The following FARS2 variants were observed in gnomAD, a reference collection of about 807,000 sequenced individuals.
The protein encoded by FARS2 is phenylalanine--tRNA ligase, mitochondrial.
In FARS2, 40 loss-of-function variants were observed where a neutral mutation model predicts 46.4. That is an observed-to-expected ratio of 0.86 (90% confidence interval 0.67 to 1.12). The LOEUF (loss-of-function observed/expected upper bound fraction) is 1.12. Among genes scored for constraint, FARS2 ranks in the 50% most tolerant of loss-of-function variants. The pLI is 0.00. For synonymous variants in FARS2, 234 were observed against 214.9 expected, an observed-to-expected ratio of 1.09 and a Z score of -0.78; for missense variants, 513 against 567.9, an observed-to-expected ratio of 0.90 and a Z score of 0.98.
At chr6:5,664,371 G>A (rs9378437) in intron 6 of FARS2, among the ~76,000 whole-genome samples, 57,317 of 152,024 alleles carry the variant, frequency 0.38, 13,011 homozygotes, top group East Asian at 0.56. Context: ...GGTCCTGCCA[G>A]GGGAGCCGAG....
chr6:5,440,725 G>C (rs1293009579), intron 4 of FARS2, among the ~76,000 whole-genome samples: 1 of 152,128 alleles, frequency 6.6e-6, no homozygotes, highest in East Asian at 1.9e-4. Flanking sequence ...GTGTCTCACT[G>C]TGTTGCCCAG....
rs776745910 is a variant in FARS2 at position 5,431,068 on chromosome 6, A to G, written c.800A>G (p.Tyr267Cys). The change falls in exon 4 of 7, where the codon TAC becomes TGC. Residue 267 changes from tyrosine to cysteine, a missense_variant. Physicochemically the swap from Tyr to Cys is radical, Grantham distance 194 (BLOSUM62 -2). Coordinates refer to ENST00000274680, the MANE Select transcript of FARS2 (RefSeq NM_006567.5). ...CTGGAGATAAGATGGGTAGACTGCT[A>G]CTTCCCTTTTACACATCCTTCCTTT... ...DELEIRWVDC[Y>C]FPFTHPSFEM... 5 of 1,613,908 alleles carry G rather than the reference A, an allele frequency of 3.1e-6. No individual in the cohort carries two copies. The highest frequency in any genetic ancestry group is 1.7e-5 in the Admixed American group (1 of 60,012).
chr6:5,750,480 A>T (rs556255362), intron 6 of FARS2, among the ~76,000 whole-genome samples: 1 of 152,292 alleles, frequency 6.6e-6, no homozygotes, highest in Admixed American at 6.5e-5. Context: ...CAGGCAAGAG[A>T]TAAACAAGAC....
intron 6 of FARS2, among the ~76,000 whole-genome samples, chr6:5,726,986 C>T (rs541692119): frequency 1.7e-4 from 26 of 152,362 alleles, no homozygotes; most frequent in Admixed American, 3.3e-4. Flanking sequence ...AGTTCAAATA[C>T]CTTCGTGACC....
Position 5,305,131 on chromosome 6 carries a change from C to T in FARS2, c.-22+43471C>T, listed in dbSNP as rs75518312. Reference sequence around the variant, plus strand: ...TGTGGAGAAGGATTTTGAGGTCACACCTAGGCTCAGTGGGAAAGATACTGT... The same window carrying T: ...TGTGGAGAAGGATTTTGAGGTCACATCTAGGCTCAGTGGGAAAGATACTGT... On this transcript the variant is annotated intron_variant, in intron 1 of 6. Coordinates refer to ENST00000274680, the MANE Select transcript of FARS2 (RefSeq NM_006567.5). 8.0e-3 allele frequency among the ~76,000 whole-genome samples: 1,217 copies of T among 152,220 alleles called. 13 individuals are homozygous for T. Among genetic ancestry groups the T allele is most frequent in the African/African-American group, 0.027 (1,137 of 41,528 alleles).
At chr6:5,357,934 A>G (rs769389554) in intron 1 of FARS2, among the ~76,000 whole-genome samples, 3 of 152,236 alleles carry the variant, frequency 2.0e-5, no homozygotes, top group Non-Finnish European at 4.4e-5. Flanking sequence ...AGGTAGAGAA[A>G]TATTTCAGGC....
At chr6:5,521,805 T>G (rs1342753943) in intron 4 of FARS2, among the ~76,000 whole-genome samples, 1 of 152,216 alleles carries the variant, frequency 6.6e-6, no homozygotes, top group Non-Finnish European at 1.5e-5. Context: ...TAACCAGTCT[T>G]GCTTATTGAA....
At chr6:5,742,963 G>T (rs1160497043) in intron 6 of FARS2, among the ~76,000 whole-genome samples, 2 of 152,002 alleles carry the variant, frequency 1.3e-5, no homozygotes, top group East Asian at 1.9e-4. Flanking sequence ...TTTCCTGAAG[G>T]CCAGCAGGGT....
At chr6:5,479,770 C>T (rs1201927868) in intron 4 of FARS2, among the ~76,000 whole-genome samples, 3 of 152,200 alleles carry the variant, frequency 2.0e-5, no homozygotes, top group Non-Finnish European at 4.4e-5. Flanking sequence ...ATTAACTCCA[C>T]ATTACAACTT....
chr6:5,265,971 G>C lies in FARS2; in HGVS notation c.-22+4311G>C, dbSNP rs145634575. 1.8e-3 allele frequency among the ~76,000 whole-genome samples: 276 copies of C among 152,274 alleles called. 2 individuals are homozygous for C. Among genetic ancestry groups the C allele is most frequent in the African/African-American group, 6.5e-3 (269 of 41,550 alleles). Reference sequence around the variant, plus strand: ...CTCTCCATGATTGGGTAGAGCCAGGGCTGAGAAACATTGACCTGAAGGAAT... The same window carrying C: ...CTCTCCATGATTGGGTAGAGCCAGGCCTGAGAAACATTGACCTGAAGGAAT... On this transcript the variant is annotated intron_variant, in intron 1 of 6. Transcript: ENST00000274680.
chr6:5,377,413 TG>T (rs1160700813), intron 2 of FARS2, among the ~76,000 whole-genome samples: 1 of 152,226 alleles, frequency 6.6e-6, no homozygotes, highest in Non-Finnish European at 1.5e-5. Context: ...TAACATCCTC[TG>T]GGTCTGTTTC....
intron 6 of FARS2, among the ~76,000 whole-genome samples, chr6:5,614,066 G>C (rs35251058): frequency 0.021 from 3,143 of 152,276 alleles, 49 homozygotes; most frequent in Non-Finnish European, 0.031. Context: ...GCTGTGTAAA[G>C]TGATGATTGT....
At chr6:5,595,214 G>C (rs1383991256) in intron 5 of FARS2, among the ~76,000 whole-genome samples, 1 of 152,112 alleles carries the variant, frequency 6.6e-6, no homozygotes, top group Non-Finnish European at 1.5e-5. Flanking sequence ...TGACCCTTTA[G>C]CTCTTCAGAG....
chr6:5,391,932 T>C (rs1416155837), intron 2 of FARS2, among the ~76,000 whole-genome samples: 1 of 152,208 alleles, frequency 6.6e-6, no homozygotes, highest in African/African-American at 2.4e-5. Flanking sequence ...GGGGTTGAAT[T>C]TGTATTCTGG....
intron 5 of FARS2, among the ~76,000 whole-genome samples, chr6:5,585,955 T>A (rs1773592192): frequency 6.6e-6 from 1 of 152,206 alleles, no homozygotes; most frequent in African/African-American, 2.4e-5. Flanking sequence ...ATATGGTAGT[T>A]CTGTTTTCAA....
intron 1 of FARS2, among the ~76,000 whole-genome samples, chr6:5,355,780 CAT>C (rs373606565): frequency 1.9e-3 from 290 of 152,202 alleles, no homozygotes; most frequent in African/African-American, 6.7e-3. Context: ...AATGGTAAAA[CAT>C]AAATTTCTTT....
intron 6 of FARS2, among the ~76,000 whole-genome samples, chr6:5,689,526 T>C (rs1463232113): frequency 1.2e-4 from 18 of 152,244 alleles, no homozygotes; most frequent in African/African-American, 4.1e-4. Context: ...AGTTTCTTAA[T>C]CCTGAGTTCT....
chr6:5,282,963 A>T (rs1766843655), intron 1 of FARS2, among the ~76,000 whole-genome samples: 1 of 152,178 alleles, frequency 6.6e-6, no homozygotes, highest in Non-Finnish European at 1.5e-5. Flanking sequence ...AGGGCCAGGC[A>T]CGGTGGCTTA....
At chr6:5,488,146 A>G (rs959367067) in intron 4 of FARS2, among the ~76,000 whole-genome samples, 1 of 152,202 alleles carries the variant, frequency 6.6e-6, no homozygotes, top group Non-Finnish European at 1.5e-5. Flanking sequence ...TGTTAAGCCT[A>G]GACCCTTTTT....
Sources: allele counts gnomAD v4.1 joint callset (sites outside exome capture counted in the v4.1 genomes callset), GRCh38; gene constraint gnomAD v4.1.1; transcripts MANE v1.5; gene names NCBI Gene and HGNC (gene_info 2026-07-23, HGNC 2026-07-21).